The following UBA7 variants were observed in gnomAD, a reference collection of about 807,000 sequenced individuals.
The protein encoded by UBA7 is ubiquitin-like modifier-activating enzyme 7.
A neutral mutation model predicts 113.0 loss-of-function variants in UBA7; 88 were observed. That is an observed-to-expected ratio of 0.78 (90% CI 0.66 to 0.93). The LOEUF is 0.93. Among genes scored for constraint, UBA7 ranks in the 40% least tolerant of loss-of-function variants. The pLI is 0.00. For missense variants in UBA7, 1,092 were observed against 1,266.4 expected (o/e 0.86, Z 2.09); for synonymous variants, 459 against 513.0 (o/e 0.89, Z 1.42).
chr3:49,813,331 T>A lies in UBA7; in HGVS notation c.278A>T (p.Glu93Val). The A allele has an allele frequency of 6.2e-7, 1 of 1,614,144 alleles. No individual in the cohort carries two copies. The highest frequency in any genetic ancestry group is 8.5e-7 in the Non-Finnish European group (1 of 1,180,024). The change falls in exon 3 of 24, where the codon GAG (glutamate) becomes GTG (valine). Residue 93 changes from glutamate to valine, a missense_variant. This residue lies in a region of UBA7 where 584 missense variants were observed against 714.5 expected (regional missense o/e 0.82). Transcript: ENST00000333486. ...LERSRAEASQELLAQLNRAVQ... is the reference protein window; with the variant it reads ...LERSRAEASQVLLAQLNRAVQ... The stretch of plus-strand genomic sequence containing the variant: ...AGCTCTGTTGAGCTGAGCCAAGAGC[T>A]CTTGAGAGGCCTCGGCTCTGCTCCT...
intron 1 of UBA7, 26 bp from the exon 2 acceptor site, chr3:49,813,673 C>G (rs2081586951): frequency 1.2e-6 from 2 of 1,614,116 alleles, no homozygotes; most frequent in African/African-American, 1.3e-5. Context: ...AGAAGGCAAG[C>G]AGTTGTAGAT....
rs2081579456 is a variant in UBA7 at position 49,813,305 on chromosome 3, C to T, written c.304G>A (p.Val102Ile). The T allele has an allele frequency of 4.3e-6, 7 of 1,614,098 alleles. No individual in the cohort carries two copies. The highest frequency in any genetic ancestry group is 4.0e-5 in the African/African-American group (3 of 74,954). ...QELLAQLNRA[V>I]QVVVHTGDIT... ...TCACCCGTGTGCACGACGACCTGGA[C>T]AGCTCTGTTGAGCTGAGCCAAGAGC... is the stretch of plus-strand genomic sequence containing the variant. Residue 102 changes from valine (V) to isoleucine (I), a missense_variant, in exon 3 of 24, where the codon GTC (valine) becomes ATC (isoleucine). Val to Ile is a conservative substitution (Grantham distance 29). Transcript: ENST00000333486.
At chr3:49,806,204 T>C in intron 21 of UBA7, 39 bp from the exon 22 acceptor site, 2 of 1,445,288 alleles carry the variant, frequency 1.4e-6, no homozygotes, top group Non-Finnish European at 1.9e-6. Context: ...ACTTCTTACC[T>C]CCCCCCAACC....
At chr3:49,808,512 C>T in intron 18 of UBA7, 44 bp from the exon 19 acceptor site, 2 of 1,594,852 alleles carry the variant, frequency 1.3e-6, no homozygotes, top group Non-Finnish European at 1.7e-6. Context: ...GCCCCTGTCT[C>T]CTGCACTCTT....
intron 4 of UBA7, 111 bp from the exon 5 acceptor site, chr3:49,812,849 G>T: frequency 7.6e-7 from 1 of 1,322,652 alleles, no homozygotes; most frequent in Non-Finnish European, 1.1e-6. Context: ...GCAAGGAGAG[G>T]CTTGGGAACT....
chr3:49,807,953 G>A lies in UBA7; in HGVS notation c.2524-26C>T. 1 of 1,613,548 alleles carries A rather than the reference G, an allele frequency of 6.2e-7. No individual in the cohort carries two copies. The highest frequency in any genetic ancestry group is 8.5e-7 in the Non-Finnish European group (1 of 1,179,538). On this transcript the variant is annotated intron_variant, in intron 20 of 23. Transcript: ENST00000333486. The surrounding 1 kb of genome is among the most constrained non-coding windows in gnomAD (Gnocchi z 4.0). ...CTGCCAAGGACAAGAGATTTGGTCTGGGCCCAAGGCGTAGGGCCAGGGTTT... is the reference window on the plus strand; with the variant it reads ...CTGCCAAGGACAAGAGATTTGGTCTAGGCCCAAGGCGTAGGGCCAGGGTTT...
intron 18 of UBA7, 41 bp from the exon 19 acceptor site, chr3:49,808,509 T>A: frequency 6.3e-7 from 1 of 1,591,368 alleles, no homozygotes; most frequent in Non-Finnish European, 8.6e-7. Context: ...TTAGCCCCTG[T>A]CTCCTGCACT....
Position 49,812,185 on chromosome 3 carries a change from C to A in UBA7, c.716G>T (p.Gly239Val). 1 of 1,614,212 alleles carries A rather than the reference C, an allele frequency of 6.2e-7. No homozygotes were observed. The highest frequency in any genetic ancestry group is 8.5e-7 in the Non-Finnish European group (1 of 1,180,040). ...HVREDGSLEI[G>V]DTTTFSRYLR... is the part of the protein sequence containing the mutation. ...GTACCGAGAGAAAGTTGTTGTGTCTCCAATCTCCAGGGACCCATCCTCTGA... is the reference window on the plus strand; with the variant it reads ...GTACCGAGAGAAAGTTGTTGTGTCTACAATCTCCAGGGACCCATCCTCTGA... The change falls in exon 7 of 24, where the codon GGA (glycine) becomes GTA (valine). Residue 239 changes from glycine to valine, a missense_variant. Physicochemically the swap from Gly to Val is moderately radical, Grantham distance 109. Transcript: ENST00000333486.
intron 9 of UBA7, 66 bp from the exon 10 acceptor site, chr3:49,811,157 G>A: frequency 6.2e-7 from 1 of 1,604,378 alleles, no homozygotes; most frequent in Non-Finnish European, 8.5e-7. Context: ...CCTGGCTGGA[G>A]GCTTCACCCA....
chr3:49,807,847 C>T lies in UBA7; in HGVS notation c.2604G>A (p.Leu868=), dbSNP rs200484624. The part of the protein sequence containing the change: ...AAVAGLLGLE[L]YKVVSGPRPR... ...GCCGTGGCCCACTCACCACCTTATA[C>T]AGCTCCAGGCCCAACAGGCCTGCCA... is the stretch of plus-strand genomic sequence containing the variant. Residue 868 remains leucine (L), a synonymous_variant, in exon 21 of 24, where the codon CTG becomes CTA. Transcript: ENST00000333486. This position sits in a 1 kb window ranked among gnomAD's most constrained non-coding sequence, Gnocchi z 4.0. 3.1e-6 allele frequency: 5 copies of T among 1,613,984 alleles called. No individual in the cohort carries two copies. The highest frequency in any genetic ancestry group is 4.5e-5 in the East Asian group (2 of 44,894).
Position 49,812,546 on chromosome 3 carries a change from G to T in UBA7, c.559-3C>A. The T allele has an allele frequency of 6.2e-7, 1 of 1,614,148 alleles. No individual in the cohort carries two copies. The highest frequency in any genetic ancestry group is 8.5e-7 in the Non-Finnish European group (1 of 1,180,028). On this transcript the variant is annotated splice_region_variant and splice_polypyrimidine_tract_variant and intron_variant, in intron 5 of 23. Coordinates refer to ENST00000333486, the MANE Select transcript of UBA7 (RefSeq NM_003335.3). ...AGAGTGAGAATGCCAGGGGAGCCCT[G>T]GGTAGGAGGAGGCTTGGCTCAGGGT... is the stretch of plus-strand genomic sequence containing the variant.
At chr3:49,809,264 C>T in intron 17 of UBA7, 105 bp from the exon 18 acceptor site, 1 of 1,532,844 alleles carries the variant, frequency 6.5e-7, no homozygotes, top group Non-Finnish European at 8.9e-7. Flanking sequence ...CACATGTAGA[C>T]ACCCATATAT....
At chr3:49,813,692 G>A in intron 1 of UBA7, 40 bp downstream of exon 1, 1 of 1,614,194 alleles carries the variant, frequency 6.2e-7, no homozygotes, top group Non-Finnish European at 8.5e-7. Flanking sequence ...ATCAAGGTCT[G>A]AAGACCATCC....
In UBA7 at chr3:49,810,849, G is replaced by A; in HGVS notation, c.1231-17C>T. 1 of 1,614,058 alleles carries A rather than the reference G, an allele frequency of 6.2e-7. No individual in the cohort carries two copies. Among genetic ancestry groups the A allele is most frequent in the Non-Finnish European group, 8.5e-7 (1 of 1,179,964 alleles). ...GCTGCCTCTCTAGGGGACAGAGACG[G>A]GGTCAGTGATGGCTACTGGCCTGCA... On this transcript the variant is annotated splice_polypyrimidine_tract_variant and intron_variant, in intron 10 of 23. Coordinates refer to ENST00000333486, the MANE Select transcript of UBA7 (RefSeq NM_003335.3). The surrounding 1 kb of genome is among the most constrained non-coding windows in gnomAD (Gnocchi z 5.6).
Position 49,809,529 on chromosome 3 carries a change from C to T in UBA7, c.2088+13G>A. On this transcript the variant is annotated intron_variant, in intron 16 of 23. Coordinates refer to ENST00000333486, the MANE Select transcript of UBA7 (RefSeq NM_003335.3). ...CCCCTGAGCCCCCAGCGTCCCAACCCCTAGCCACACACTTTATTAGGTGGG... is the reference window on the plus strand; with the variant it reads ...CCCCTGAGCCCCCAGCGTCCCAACCTCTAGCCACACACTTTATTAGGTGGG... 2 of 1,614,004 alleles carry T rather than the reference C, an allele frequency of 1.2e-6. No individual in the cohort carries two copies. The highest frequency in any genetic ancestry group is 1.7e-6 in the Non-Finnish European group (2 of 1,179,902).
chr3:49,806,030 G>A (rs767444313), intron 22 of UBA7, 33 bp from the exon 23 acceptor site: 18 of 1,570,068 alleles, frequency 1.1e-5, no homozygotes, highest in African/African-American at 8.1e-5. Flanking sequence ...CAGCTGGGCC[G>A]GGCTGGGCTG....
Position 49,807,791 on chromosome 3 carries a change from T to A in UBA7, c.2660A>T (p.His887Leu). 6.2e-7 allele frequency: 1 copy of A among 1,613,962 alleles called. No homozygotes were observed. Among genetic ancestry groups the A allele is most frequent in the Non-Finnish European group, 8.5e-7 (1 of 1,179,956 alleles). Residue 887 changes from histidine to leucine, a missense_variant, in exon 21 of 24, where the codon CAT (histidine) becomes CTT (leucine). By Grantham distance (99) the His-to-Leu change is moderately conservative. Coordinates refer to ENST00000333486, the MANE Select transcript of UBA7 (RefSeq NM_003335.3). This position sits in a 1 kb window ranked among gnomAD's most constrained non-coding sequence, Gnocchi z 4.0. ...GCGGATGAGGTAGTTTTCAGCCAGATGTAGGTAGCTGTGGCGAAAGGCACT... is the reference window on the plus strand; with the variant it reads ...GCGGATGAGGTAGTTTTCAGCCAGAAGTAGGTAGCTGTGGCGAAAGGCACT... ...PRSAFRHSYL[H>L]LAENYLIRYM...
chr3:49,805,294 G>C lies in UBA7; in HGVS notation c.*14C>G. 6.2e-7 allele frequency: 1 copy of C among 1,610,586 alleles called. No homozygotes were observed. The highest frequency in any genetic ancestry group is 1.1e-5 in the South Asian group (1 of 90,936). On this transcript the variant is annotated 3_prime_UTR_variant, in exon 24 of 24. Coordinates refer to ENST00000333486, the MANE Select transcript of UBA7 (RefSeq NM_003335.3). ...CGGGGCTCCATTGAGCTAGGTGACA[G>C]GGTGGCTGCCTTGTCACAGCTCATA...
chr3:49,811,893 G>A lies in UBA7; in HGVS notation c.916C>T (p.Arg306Trp), dbSNP rs755685865. The A allele has an allele frequency of 3.1e-6, 5 of 1,613,880 alleles. No individual in the cohort carries two copies. The highest frequency in any genetic ancestry group is 4.2e-6 in the Non-Finnish European group (5 of 1,180,032). ...ACAGGATCCCAGGGCTGGGGTGGCC[G>A]GCCATGGAGGTGCTGGAACTTGTGC... ...ALHKFQHLHG[R>W]PPQPWDPVDA... The change falls in exon 8 of 24, where the codon CGG (arginine) becomes TGG (tryptophan). Residue 306 changes from arginine to tryptophan, a missense_variant. This residue lies in a region of UBA7 where 584 missense variants were observed against 714.5 expected (regional missense o/e 0.82). Coordinates refer to ENST00000333486, the MANE Select transcript of UBA7 (RefSeq NM_003335.3).
Sources: allele counts gnomAD v4.1 joint callset, GRCh38; gene constraint gnomAD v4.1.1; regional missense constraint gnomAD v4.1.1; non-coding constraint Gnocchi (gnomAD v3.1); transcripts MANE v1.5; gene names NCBI Gene and HGNC (gene_info 2026-07-23, HGNC 2026-07-21).